The following STPG4 variants were observed in gnomAD, a reference collection of about 807,000 sequenced individuals.
The protein encoded by STPG4 is protein STPG4.
A neutral mutation model predicts 31.5 loss-of-function variants in STPG4; 41 were observed. The ratio of observed to expected loss-of-function variants is 1.30; its 90% CI spans 1.01 to 1.69. STPG4 has a LOEUF of 1.69. Among genes scored for constraint, STPG4 ranks in the 40% most tolerant of loss-of-function variants. The probability of loss-of-function intolerance (pLI) is 0.00; values close to 1 mark genes in which losing one functional copy is unlikely to be tolerated. For synonymous variants in STPG4, 141 were observed against 103.0 expected, an observed-to-expected ratio of 1.37 and a Z score of -2.24; for missense variants, 375 against 293.4, an observed-to-expected ratio of 1.28 and a Z score of -2.03.
intron 3 of STPG4, among the ~76,000 whole-genome samples, chr2:47,149,478 T>C (rs959191938): frequency 6.6e-6 from 1 of 152,224 alleles, no homozygotes; most frequent in Non-Finnish European, 1.5e-5. Flanking sequence ...ATAAAGGTGC[T>C]AGTATAATTT....
intron 3 of STPG4, among the ~76,000 whole-genome samples, chr2:47,143,535 G>A (rs1009157643): frequency 1.3e-5 from 2 of 151,224 alleles, no homozygotes; most frequent in African/African-American, 4.9e-5. Flanking sequence ...GCCCAGGCTG[G>A]AGTGCAGTGA....
intron 5 of STPG4, among the ~76,000 whole-genome samples, chr2:47,114,027 CAA>C (rs779123105): frequency 8.0e-6 from 1 of 124,468 alleles, no homozygotes. Context: ...AGACTTGTCT[CAA>C]AAAAAAAAAC....
In STPG4 at chr2:47,090,254, C is replaced by T; in HGVS notation, c.624+16G>A. On this transcript the variant is annotated intron_variant, in intron 6 of 6. Transcript: ENST00000445927. Reference sequence around the variant, plus strand: ...CCCCTAGGGGTGGGGGGCGATCTGTCTTTCCGAATACTTACTGAACAGCTG... The same window carrying T: ...CCCCTAGGGGTGGGGGGCGATCTGTTTTTCCGAATACTTACTGAACAGCTG... 6.5e-7 allele frequency: 1 copy of T among 1,535,142 alleles called. No individual in the cohort carries two copies. The highest frequency in any genetic ancestry group is 8.8e-7 in the Non-Finnish European group (1 of 1,131,952).
rs57475505 is a variant in STPG4 at position 47,127,252 on chromosome 2, C to CTTTTTTTTTTTTTT, written c.519+2675_519+2688dup. On this transcript the variant is annotated intron_variant, in intron 5 of 6. Coordinates refer to ENST00000445927, the MANE Select transcript of STPG4 (RefSeq NM_001163561.2). ...CAAATAGCTTGTCTTCAAGCTAATT[C>CTTTTTTTTTTTTTT]TTTTTTTTTTTTTTTTTTTTTTTTT... is the stretch of plus-strand genomic sequence containing the variant. Among the ~76,000 whole-genome samples the CTTTTTTTTTTTTTT allele has an allele frequency of 2.9e-3, 165 of 57,464 alleles. 28 individuals are homozygous for CTTTTTTTTTTTTTT. The highest frequency in any genetic ancestry group is 3.6e-3 in the Admixed American group (14 of 3,910). 37.7% of individuals were successfully genotyped at this position (57,464 alleles called of 152,430 possible).
intron 5 of STPG4, among the ~76,000 whole-genome samples, chr2:47,114,747 G>A (rs1418620022): frequency 2.0e-5 from 3 of 151,870 alleles, no homozygotes; most frequent in South Asian, 2.1e-4. Flanking sequence ...ATTCTTAAAC[G>A]ATCATCCAAC....
In STPG4 at chr2:47,129,923, T is replaced by C; in HGVS notation, c.519+18A>G. ...AACATCAAATTCATCATGAGTTAACTGTCTACATTATACTTACGGGAATAA... is the reference window on the plus strand; with the variant it reads ...AACATCAAATTCATCATGAGTTAACCGTCTACATTATACTTACGGGAATAA... On this transcript the variant is annotated intron_variant, in intron 5 of 6. Coordinates refer to ENST00000445927, the MANE Select transcript of STPG4 (RefSeq NM_001163561.2). 2 of 1,608,616 alleles carry C rather than the reference T, an allele frequency of 1.2e-6. No homozygotes were observed. Among genetic ancestry groups the C allele is most frequent in the Non-Finnish European group, 8.5e-7 (1 of 1,178,686 alleles).
chr2:47,089,639 ACTGT>A (rs1242309979), intron 6 of STPG4, among the ~76,000 whole-genome samples: 1 of 148,112 alleles, frequency 6.8e-6, no homozygotes, highest in African/African-American at 2.5e-5. Flanking sequence ...GGGAATTAAA[ACTGT>A]CTTTTGACAT....
intron 6 of STPG4, 89 bp downstream of exon 6, chr2:47,090,181 C>T (rs745497155): frequency 1.2e-4 from 104 of 847,110 alleles, no homozygotes; most frequent in African/African-American, 2.4e-4. Flanking sequence ...ACCACCACCC[C>T]GCACCTCCTA....
At chr2:47,111,472 G>T (rs1686035149) in intron 5 of STPG4, among the ~76,000 whole-genome samples, 1 of 152,156 alleles carries the variant, frequency 6.6e-6, no homozygotes, top group African/African-American at 2.4e-5. Flanking sequence ...GGAGTGAAGG[G>T]AGGAGAAACT....
At chr2:47,117,926 A>T (rs995767362) in intron 5 of STPG4, among the ~76,000 whole-genome samples, 1 of 87,242 alleles carries the variant, frequency 1.1e-5, no homozygotes, top group Non-Finnish European at 2.3e-5. Flanking sequence ...ATATATATAT[A>T]TATATTTTTT....
intron 5 of STPG4, 79 bp from the exon 6 acceptor site, chr2:47,090,453 A>G (rs1364271044): frequency 2.7e-5 from 24 of 903,544 alleles, no homozygotes; most frequent in Non-Finnish European, 4.2e-5. Context: ...TTCTACAAAT[A>G]AACATATGAA....
At chr2:47,145,097 A>C (rs990319113) in intron 3 of STPG4, among the ~76,000 whole-genome samples, 9 of 152,252 alleles carry the variant, frequency 5.9e-5, no homozygotes, top group Non-Finnish European at 1.3e-4. Context: ...ATCCTAAACT[A>C]AAAGACAGCA....
intron 5 of STPG4, among the ~76,000 whole-genome samples, chr2:47,117,930 A>ATATATATATAT (rs1491090707): frequency 1.4e-3 from 167 of 117,554 alleles, no homozygotes; most frequent in African/African-American, 6.0e-3. Context: ...ATATATATAT[A>ATATATATATAT]TTTTTTTTTT....
chr2:47,104,778 G>C (rs931193872), intron 5 of STPG4, among the ~76,000 whole-genome samples: 6 of 151,950 alleles, frequency 3.9e-5, no homozygotes, highest in Admixed American at 3.3e-4. Flanking sequence ...TAGATCTCTT[G>C]AACTTTCTAG....
At chr2:47,131,025 G>T (rs547636800) in intron 3 of STPG4, among the ~76,000 whole-genome samples, 1 of 151,826 alleles carries the variant, frequency 6.6e-6, no homozygotes, top group Non-Finnish European at 1.5e-5. Flanking sequence ...TGTTGCCCGG[G>T]CTGGTCTTGA....
At chr2:47,152,860 T>G in intron 2 of STPG4, 97 bp downstream of exon 2, 1 of 857,466 alleles carries the variant, frequency 1.2e-6, no homozygotes, top group Non-Finnish European at 1.7e-6. Context: ...AATCACTGTT[T>G]TCTTACAATT....
intron 5 of STPG4, among the ~76,000 whole-genome samples, chr2:47,091,240 T>G (rs978793480): frequency 6.6e-6 from 1 of 152,202 alleles, no homozygotes; most frequent in East Asian, 1.9e-4. Flanking sequence ...CTCCTTATGA[T>G]GCTGGCAGAA....
chr2:47,116,677 T>A (rs1023489739), intron 5 of STPG4, among the ~76,000 whole-genome samples: 1 of 152,188 alleles, frequency 6.6e-6, no homozygotes, highest in Non-Finnish European at 1.5e-5. Context: ...CTCATTTATG[T>A]TCCTGGGAGC....
chr2:47,143,119 C>G (rs939745941), intron 3 of STPG4, among the ~76,000 whole-genome samples: 9 of 152,002 alleles, frequency 5.9e-5, no homozygotes, highest in Admixed American at 2.6e-4. Context: ...AGCCACCGCA[C>G]CCGGCCAACC....
Sources: gnomAD v4.1 joint callset for allele counts (sites outside exome capture counted in the v4.1 genomes callset) on GRCh38, gnomAD v4.1.1 for gene constraint, MANE v1.5 for transcripts, NCBI Gene and HGNC (gene_info 2026-07-23, HGNC 2026-07-21) for gene names.